The following LYPLAL1 variants were observed in gnomAD, a reference collection of about 807,000 sequenced individuals.
The protein encoded by LYPLAL1 is lysophospholipase like 1.
Under a neutral mutation model 19.7 loss-of-function variants are expected in LYPLAL1, and 23 were observed. That is an observed-to-expected ratio of 1.17 (90% CI 0.84 to 1.65). The LOEUF (loss-of-function observed/expected upper bound fraction) is 1.65, where lower values mean the gene tolerates loss of function less well. Among genes scored for constraint, LYPLAL1 ranks in the 40% most tolerant of loss-of-function variants. The pLI is 0.00. For synonymous variants in LYPLAL1, 119 were observed against 96.3 expected (o/e 1.24, Z -1.38); for missense variants, 355 against 279.4 (o/e 1.27, Z -1.93).
the LYPLAL1 span, among the ~76,000 whole-genome samples, chr1:219,309,108 T>A: frequency 2.6e-5 from 4 of 152,226 alleles, no homozygotes; most frequent in Admixed American, 2.0e-4. Flanking sequence ...AGGGCGATCA[T>A]TTTGGAGCTT....
chr1:219,241,098 A>ATCTCTCTCTCTC, the LYPLAL1 span, among the ~76,000 whole-genome samples: 48 of 59,144 alleles, frequency 8.1e-4, no homozygotes, highest in East Asian at 2.2e-3. Flanking sequence ...AATATATATA[A>ATCTCTCTCTCTC]TCTCTCTCTC....
chr1:219,444,378 G>A, the LYPLAL1 span, among the ~76,000 whole-genome samples: 1 of 152,076 alleles, frequency 6.6e-6, no homozygotes. Context: ...CTACATGTTT[G>A]GTTTGAAGTT....
intron 3 of LYPLAL1, among the ~76,000 whole-genome samples, chr1:219,207,633 A>G (rs1303980617): frequency 6.6e-6 from 1 of 152,074 alleles, no homozygotes; most frequent in Non-Finnish European, 1.5e-5. Context: ...AGAGGGATAC[A>G]TTGATGAATA....
intron 3 of LYPLAL1, 42 bp downstream of exon 3, chr1:219,193,293 T>C (rs1292153789): frequency 6.6e-7 from 1 of 1,511,006 alleles, no homozygotes; most frequent in Non-Finnish European, 9.1e-7. Flanking sequence ...TGTTCACTTT[T>C]GTCTAATTCT....
the LYPLAL1 span, among the ~76,000 whole-genome samples, chr1:219,296,356 A>C: frequency 6.6e-6 from 1 of 152,136 alleles, no homozygotes; most frequent in African/African-American, 2.4e-5. Flanking sequence ...CACCTGAATA[A>C]ACGGTTAAAT....
the LYPLAL1 span, among the ~76,000 whole-genome samples, chr1:219,227,361 G>A: frequency 0.22 from 33,515 of 152,026 alleles, 3,973 homozygotes; most frequent in African/African-American, 0.27. Context: ...TGTGGTGTCT[G>A]TTTCGATATT....
the LYPLAL1 span, among the ~76,000 whole-genome samples, chr1:219,427,274 T>C: frequency 1.3e-5 from 2 of 152,342 alleles, no homozygotes; most frequent in East Asian, 3.9e-4. Flanking sequence ...TCTTACCTTA[T>C]ATATGTCAGG....
the LYPLAL1 span, among the ~76,000 whole-genome samples, chr1:219,416,345 A>C: frequency 6.6e-6 from 1 of 152,086 alleles, no homozygotes; most frequent in Non-Finnish European, 1.5e-5. Context: ...ATTTTTGTAG[A>C]ATGTCCCTCA....
the LYPLAL1 span, chr1:219,410,198 T>C: frequency 6.6e-6 from 1 of 152,366 alleles, no homozygotes; most frequent in East Asian, 1.9e-4. Context: ...GGCCTTTTTC[T>C]TCCTCCACTC....
At chr1:219,215,381 T>C (rs1659255140), downstream of LYPLAL1, among the ~76,000 whole-genome samples, 1 of 152,096 alleles carries the variant, frequency 6.6e-6, no homozygotes, top group Non-Finnish European at 1.5e-5. Flanking sequence ...TTCTTGCTGG[T>C]TTTAGTAGTC....
At chr1:219,218,492 G>T in the LYPLAL1 span, among the ~76,000 whole-genome samples, 368 of 132,794 alleles carry the variant, frequency 2.8e-3, 2 homozygotes, top group South Asian at 0.032. Context: ...AAAACATCGA[G>T]ACTTTTTTTG....
the LYPLAL1 span, among the ~76,000 whole-genome samples, chr1:219,224,366 A>C: frequency 2.6e-5 from 4 of 152,132 alleles, no homozygotes; most frequent in Non-Finnish European, 5.9e-5. Flanking sequence ...GCTAAAATGC[A>C]TTTTTGAGGG....
intron 3 of LYPLAL1, among the ~76,000 whole-genome samples, chr1:219,208,346 A>T (rs1658736250): frequency 3.3e-5 from 5 of 152,154 alleles, no homozygotes. Flanking sequence ...TTGTTTTACT[A>T]TAAATGAAAT....
At chr1:219,220,966 A>G in the LYPLAL1 span, among the ~76,000 whole-genome samples, 1 of 152,198 alleles carries the variant, frequency 6.6e-6, no homozygotes, top group African/African-American at 2.4e-5. Context: ...AGGAGACGTC[A>G]CAGGGCAGAT....
At chr1:219,250,360 G>C in the LYPLAL1 span, among the ~76,000 whole-genome samples, 1 of 151,640 alleles carries the variant, frequency 6.6e-6, no homozygotes, top group Admixed American at 6.6e-5. Context: ...CTGTTCTTTT[G>C]GCCTATTCTT....
chr1:219,346,768 A>C, the LYPLAL1 span, among the ~76,000 whole-genome samples: 1 of 152,154 alleles, frequency 6.6e-6, no homozygotes, highest in African/African-American at 2.4e-5. Context: ...AGAAGTTGCA[A>C]ATTAGAAAGT....
At chr1:219,290,566 A>G in the LYPLAL1 span, among the ~76,000 whole-genome samples, 22 of 152,136 alleles carry the variant, frequency 1.4e-4, no homozygotes, top group Non-Finnish European at 2.9e-4. Context: ...TCTCCCTATG[A>G]TATGTTGTTG....
the LYPLAL1 span, among the ~76,000 whole-genome samples, chr1:219,224,706 T>C: frequency 1.3e-5 from 2 of 152,188 alleles, no homozygotes; most frequent in Non-Finnish European, 2.9e-5. Context: ...GACATTTTAA[T>C]ATTCATGCTG....
the LYPLAL1 span, among the ~76,000 whole-genome samples, chr1:219,218,583 G>T: frequency 6.6e-6 from 1 of 151,602 alleles, no homozygotes; most frequent in African/African-American, 2.4e-5. Flanking sequence ...TTCCAGTGTG[G>T]CCCAGGGAAG....
Sources: allele counts gnomAD v4.1 joint callset (sites outside exome capture counted in the v4.1 genomes callset), GRCh38; gene constraint gnomAD v4.1.1; transcripts MANE v1.5; gene names NCBI Gene and HGNC (gene_info 2026-07-23, HGNC 2026-07-21).